NFATC1: variants seen among roughly 807,000 people sequenced by gnomAD.
NFATC1 encodes the protein nuclear factor of activated T cells 1, also known as nuclear factor of activated T-cells, cytoplasmic 1.
Under a neutral mutation model 76.0 loss-of-function variants are expected in NFATC1, and 22 were observed. That is an observed-to-expected ratio of 0.29 (90% CI 0.21 to 0.41). The LOEUF is 0.41. Ranked by LOEUF, NFATC1 falls within the 10% of genes least tolerant of loss-of-function variation. NFATC1 has a pLI of 1.00. For synonymous variants in NFATC1, 704 were observed against 613.1 expected, an observed-to-expected ratio of 1.15 and a Z score of -2.19; for missense variants, 1,357 against 1,337.7, an observed-to-expected ratio of 1.01 and a Z score of -0.23.
chr18:79,489,848 A>C (rs1310416922), intron 9 of NFATC1, among the ~76,000 whole-genome samples: 1 of 152,210 alleles, frequency 6.6e-6, no homozygotes, highest in Non-Finnish European at 1.5e-5. Flanking sequence ...ATAACCTGGG[A>C]GCAGCCACAC....
At chr18:79,444,673 G>A (rs1017334665) in intron 3 of NFATC1, among the ~76,000 whole-genome samples, 4 of 151,674 alleles carry the variant, frequency 2.6e-5, no homozygotes, top group Non-Finnish European at 5.9e-5. Context: ...ACCCCTGTGG[G>A]CACCCACGTG....
intron 2 of NFATC1, 59 bp downstream of exon 2, chr18:79,411,560 ACG>A (rs2085685957): frequency 1.0e-6 from 1 of 977,986 alleles, no homozygotes; most frequent in Non-Finnish European, 1.3e-6. Context: ...GCGGGGCGGA[ACG>A]CGGGGAGCGG....
chr18:79,484,107 G>A (rs1247917716), intron 8 of NFATC1, among the ~76,000 whole-genome samples: 1 of 151,042 alleles, frequency 6.6e-6, no homozygotes, highest in African/African-American at 2.4e-5. Context: ...GCAGGGTGGG[G>A]TGGCTGACGA....
At chr18:79,518,177 C>G (rs1161564411) in intron 9 of NFATC1, among the ~76,000 whole-genome samples, 1 of 152,252 alleles carries the variant, frequency 6.6e-6, no homozygotes, top group Non-Finnish European at 1.5e-5. Context: ...CTGCATGGGC[C>G]TGGCGTGCAG....
chr18:79,479,463 T>G (rs760188314), intron 8 of NFATC1, among the ~76,000 whole-genome samples: 8 of 152,250 alleles, frequency 5.3e-5, no homozygotes, highest in African/African-American at 1.9e-4. Context: ...GGCTCTGATT[T>G]ACAGAGCAGG....
At chr18:79,398,863 T>C (rs2085089034) in intron 1 of NFATC1, among the ~76,000 whole-genome samples, 1 of 152,200 alleles carries the variant, frequency 6.6e-6, no homozygotes, top group Non-Finnish European at 1.5e-5. Flanking sequence ...GGTCAAGAGA[T>C]CGAGACCATC....
intron 8 of NFATC1, among the ~76,000 whole-genome samples, chr18:79,480,440 G>A (rs989232548): frequency 5.9e-5 from 9 of 152,052 alleles, no homozygotes; most frequent in African/African-American, 9.7e-5. Context: ...CTCCGAACCC[G>A]CAGGGCAAGC....
chr18:79,467,712 T>G (rs2088586610), intron 8 of NFATC1, 130 bp downstream of exon 8: 1 of 1,394,332 alleles, frequency 7.2e-7, no homozygotes, highest in Admixed American at 2.9e-5. Flanking sequence ...GTCCCGTTAG[T>G]GAGACCGAGC....
In NFATC1 at chr18:79,465,166, C is replaced by T. The variant is rs992984713; in HGVS notation, c.1960-2284C>T. Among the ~76,000 whole-genome samples, 3 of 152,274 alleles carry T rather than the reference C, an allele frequency of 2.0e-5. No homozygotes were observed. Among genetic ancestry groups the T allele is most frequent in the African/African-American group, 7.2e-5 (3 of 41,530 alleles). On this transcript the variant is annotated intron_variant, in intron 7 of 9. Coordinates refer to ENST00000427363, the MANE Select transcript of NFATC1 (RefSeq NM_001278669.2). The surrounding 1 kb of genome is among the most constrained non-coding windows in gnomAD (Gnocchi z 4.2). ...TTTTTTCCGGTACAGACGAGTTTCC[C>T]TCTCCCTTCCTGTTCTTCCGTGTTT...
At chr18:79,471,204 T>A (rs2088773703) in intron 8 of NFATC1, among the ~76,000 whole-genome samples, 1 of 152,088 alleles carries the variant, frequency 6.6e-6, no homozygotes, top group Non-Finnish European at 1.5e-5. Context: ...GCCAGGAAGG[T>A]TGGCAGTTCC....
At chr18:79,413,979 A>G (rs2002311) in intron 2 of NFATC1, among the ~76,000 whole-genome samples, 62,276 of 152,026 alleles carry the variant, frequency 0.41, 14,427 homozygotes, top group African/African-American at 0.64. Flanking sequence ...AACAAAGCTC[A>G]GTAAATATGT....
intron 7 of NFATC1, among the ~76,000 whole-genome samples, chr18:79,461,762 G>C (rs1394802187): frequency 6.6e-6 from 1 of 152,174 alleles, no homozygotes; most frequent in East Asian, 1.9e-4. Context: ...TCAGTGCTGT[G>C]CTGAGTTCCC....
At chr18:79,423,561 G>A (rs1311848304) in intron 2 of NFATC1, among the ~76,000 whole-genome samples, 8 of 152,196 alleles carry the variant, frequency 5.3e-5, no homozygotes, top group African/African-American at 9.6e-5. Context: ...GCCATGGGCC[G>A]CTGGTGCCTG....
intron 3 of NFATC1, among the ~76,000 whole-genome samples, chr18:79,439,373 C>T (rs893030527): frequency 6.6e-6 from 1 of 152,192 alleles, no homozygotes; most frequent in Non-Finnish European, 1.5e-5. Context: ...CAGAGGCCCA[C>T]GCACGGGGAG....
chr18:79,516,687 GC>G (rs1430643237), intron 9 of NFATC1, among the ~76,000 whole-genome samples: 1 of 152,144 alleles, frequency 6.6e-6, no homozygotes, highest in Non-Finnish European at 1.5e-5. Context: ...CTAAGAGGTT[GC>G]TTCTTCTCAA....
chr18:79,512,023 C>T lies in NFATC1; in HGVS notation c.2783-15505C>T, dbSNP rs139935505. On this transcript the variant is annotated intron_variant, in intron 9 of 9. Transcript: ENST00000427363. The stretch of plus-strand genomic sequence containing the variant: ...CCAGGATGCGCAGGTGGCGGGAGCA[C>T]GCGGGGCACAGGAGCCTGTCCCGGC... Among the ~76,000 whole-genome samples, 62 of 152,202 alleles carry T rather than the reference C, an allele frequency of 4.1e-4. 1 individual carries two copies. The East Asian group carries it at 8.5e-3, about 21-fold the overall frequency.
rs371822461 is a variant in NFATC1, at chr18:79,400,428, T to A, written c.127+4077T>A. 6.3e-4 allele frequency: 936 copies of A among 1,494,712 alleles called. 2 individuals are homozygous for A. Among genetic ancestry groups the A allele is most frequent in the Middle Eastern group, 2.9e-3 (17 of 5,790 alleles). The allele number at this position is 1,494,712 out of a possible 1,614,324, so 92.6% of individuals were successfully genotyped here. ...GGAGGACCAGGAGTTCGACTTCGAGTTCCTCTTCGAGTTTAACCAGCGCGA... is the reference window on the plus strand; with the variant it reads ...GGAGGACCAGGAGTTCGACTTCGAGATCCTCTTCGAGTTTAACCAGCGCGA... On this transcript the variant is annotated intron_variant, in intron 1 of 9. Transcript: ENST00000427363.
At chr18:79,397,373 C>T (rs1481464781) in intron 1 of NFATC1, among the ~76,000 whole-genome samples, 4 of 152,244 alleles carry the variant, frequency 2.6e-5, no homozygotes, top group Admixed American at 2.0e-4. Context: ...TCCTTCCGAG[C>T]GCTGCCGCTT....
At chr18:79,429,448 T>C (rs1473848540) in intron 2 of NFATC1, among the ~76,000 whole-genome samples, 2 of 152,054 alleles carry the variant, frequency 1.3e-5, no homozygotes, top group African/African-American at 4.8e-5. Context: ...TTTGAAGTTG[T>C]TGGAATTATC....
Sources: gnomAD v4.1 joint callset for allele counts (sites outside exome capture counted in the v4.1 genomes callset) on GRCh38, gnomAD v4.1.1 for gene constraint, Gnocchi (gnomAD v3.1) non-coding constraint, MANE v1.5 for transcripts, NCBI Gene and HGNC (gene_info 2026-07-23, HGNC 2026-07-21) for gene names.